The following WDFY3 variants were observed in gnomAD, a reference collection of about 807,000 sequenced individuals.
The protein encoded by WDFY3 is WD repeat and FYVE domain containing 3.
Under a neutral mutation model 409.6 loss-of-function variants are expected in WDFY3, and 66 were observed. The ratio of observed to expected loss-of-function variants is 0.16; its 90% CI spans 0.13 to 0.20. WDFY3 has a LOEUF of 0.20. Among genes scored for constraint, WDFY3 ranks in the 10% least tolerant of loss-of-function variants. WDFY3 has a pLI of 1.00. For synonymous variants in WDFY3, 1,521 were observed against 1,537.1 expected, an observed-to-expected ratio of 0.99 and a Z score of 0.25; for missense variants, 3,031 against 4,298.1, an observed-to-expected ratio of 0.71 and a Z score of 8.24.
At chr4:84,684,478 A>G (rs576425616) in intron 62 of WDFY3, among the ~76,000 whole-genome samples, 36 of 152,280 alleles carry the variant, frequency 2.4e-4, no homozygotes, top group African/African-American at 8.7e-4. Context: ...CCCATTGTTA[A>G]CAAAATCTAT....
chr4:84,843,333 A>G (rs1043167956), intron 5 of WDFY3, among the ~76,000 whole-genome samples: 1 of 152,254 alleles, frequency 6.6e-6, no homozygotes, highest in African/African-American at 2.4e-5. Context: ...CTGTAAAAAA[A>G]TAACTTTTAT....
chr4:84,839,559 TA>T lies in WDFY3; in HGVS notation c.414+1594del, dbSNP rs752155113. Among the ~76,000 whole-genome samples the T allele has an allele frequency of 6.7e-3, 953 of 141,580 alleles. 1 individual carries two copies. The highest frequency in any genetic ancestry group is 6.3e-3 in the Admixed American group (89 of 14,136). 92.9% of individuals were successfully genotyped at this position (141,580 alleles called of 152,430 possible). A position where few individuals can be genotyped will look rare whatever the true frequency, so the allele number is the denominator to read the frequency against. ...GGTTGGTTACACTAATTCCCTGAGT[TA>T]AAAAAAAAAAAAGAGGGCCAGGCAC... On this transcript the variant is annotated intron_variant, in intron 6 of 67. Coordinates refer to ENST00000295888, the MANE Select transcript of WDFY3 (RefSeq NM_014991.6).
chr4:84,702,598 T>G lies in WDFY3; in HGVS notation c.8443-92A>C. On this transcript the variant is annotated intron_variant, in intron 55 of 67. Transcript: ENST00000295888. ...AAGAGCTTGAAAACTCCAACTATAG[T>G]TGGTGACATTTCAATTTCCCATTAT... The G allele has an allele frequency of 2.6e-6, 3 of 1,140,512 alleles. No homozygotes were observed. In the Admixed American group the frequency reaches 1.1e-4, roughly 40 times the overall value. 70.6% of individuals were successfully genotyped at this position (1,140,512 alleles called of 1,614,324 possible).
At chr4:84,767,986 T>C (rs1476852682) in intron 30 of WDFY3, among the ~76,000 whole-genome samples, 1 of 152,106 alleles carries the variant, frequency 6.6e-6, no homozygotes, top group Non-Finnish European at 1.5e-5. Context: ...AGAAGGCTGA[T>C]GTATGAGGAT....
intron 3 of WDFY3, among the ~76,000 whole-genome samples, chr4:84,873,062 G>C (rs1762334010): frequency 6.6e-6 from 1 of 152,146 alleles, no homozygotes; most frequent in Non-Finnish European, 1.5e-5. Context: ...AAGGGAGAAA[G>C]AGACAAATTG....
At chr4:84,864,299 G>A (rs1041761219) in intron 3 of WDFY3, among the ~76,000 whole-genome samples, 6 of 150,664 alleles carry the variant, frequency 4.0e-5, no homozygotes, top group Non-Finnish European at 8.9e-5. Context: ...CCTGCGAAGC[G>A]GAGTTGCAGT....
intron 6 of WDFY3, 107 bp from the exon 7 acceptor site, chr4:84,837,197 T>C (rs1756694772): frequency 2.1e-6 from 2 of 935,024 alleles, no homozygotes; most frequent in Non-Finnish European, 2.9e-6. Flanking sequence ...AGGTAACTTT[T>C]TAAAATGCAT....
rs1374797989 is a variant in WDFY3 at position 84,740,544 on chromosome 4, T to TA, written c.6235-129dup. On this transcript the variant is annotated intron_variant, in intron 38 of 67. Transcript: ENST00000295888. ...CATGCTAAGTATGCAGGTGCTAAGT[T>TA]AAAAGATACAAAGCTCTTACTATTA... 4 of 811,548 alleles carry TA rather than the reference T, an allele frequency of 4.9e-6. No individual in the cohort carries two copies. In the African/African-American group the frequency reaches 6.9e-5, roughly 14 times the overall value. 50.3% of individuals were successfully genotyped at this position (811,548 alleles called of 1,614,324 possible).
chr4:84,838,555 C>A (rs1403054778), intron 6 of WDFY3, among the ~76,000 whole-genome samples: 1 of 152,092 alleles, frequency 6.6e-6, no homozygotes, highest in Non-Finnish European at 1.5e-5. Flanking sequence ...GGGAAACTAA[C>A]CCCCCAAACC....
At position 84,774,771 on chromosome 4, in the gene WDFY3, T is replaced by C. The variant is rs375375141; in HGVS notation, c.4754+49A>G. 2.3e-5 allele frequency: 35 copies of C among 1,549,450 alleles called. 1 individual carries two copies. The African/African-American group carries it at 2.5e-4, about 11-fold the overall frequency. ...ATTCATCTCATCCATCTTAACCTCA[T>C]TGGTACTTTTAGTTAATAAAAAGAC... On this transcript the variant is annotated intron_variant, in intron 29 of 67. Transcript: ENST00000295888.
At chr4:84,829,240 T>C (rs1351026798) in intron 8 of WDFY3, 50 bp from the exon 9 acceptor site, 1 of 1,427,778 alleles carries the variant, frequency 7.0e-7, no homozygotes. Context: ...GACAATCGCT[T>C]AAAAATTTTT....
At chr4:84,773,351 C>G (rs367664797) in intron 29 of WDFY3, among the ~76,000 whole-genome samples, 6 of 152,184 alleles carry the variant, frequency 3.9e-5, no homozygotes, top group African/African-American at 1.4e-4. Flanking sequence ...CACTAACATG[C>G]AAATGGTTTC....
intron 2 of WDFY3, among the ~76,000 whole-genome samples, chr4:84,907,126 T>C (rs1175391865): frequency 3.9e-5 from 6 of 152,164 alleles, no homozygotes; most frequent in Non-Finnish European, 5.9e-5. Flanking sequence ...AATAACCTAT[T>C]TTGGTCAGGT....
chr4:84,763,895 C>T (rs1400599996), intron 32 of WDFY3, among the ~76,000 whole-genome samples: 9 of 152,256 alleles, frequency 5.9e-5, no homozygotes, highest in East Asian at 3.9e-4. Context: ...ACTAAAGTGA[C>T]GCAGGACAGA....
intron 58 of WDFY3, among the ~76,000 whole-genome samples, chr4:84,695,606 T>C (rs1272123312): frequency 6.6e-6 from 1 of 151,734 alleles, no homozygotes; most frequent in Non-Finnish European, 1.5e-5. Flanking sequence ...TTCTAAAGTT[T>C]AAATATGACC....
intron 16 of WDFY3, among the ~76,000 whole-genome samples, chr4:84,802,184 G>A (rs1750704390): frequency 6.6e-6 from 1 of 151,902 alleles, no homozygotes; most frequent in Non-Finnish European, 1.5e-5. Context: ...CTGACCTCAG[G>A]TGATCCACCT....
intron 1 of WDFY3, among the ~76,000 whole-genome samples, chr4:84,958,600 T>G (rs116649334): frequency 0.013 from 2,036 of 152,214 alleles, 33 homozygotes; most frequent in African/African-American, 0.046. Context: ...GCAGGAGAGC[T>G]TGGCATACTT....
chr4:84,861,786 A>C (rs1306323729), intron 3 of WDFY3, among the ~76,000 whole-genome samples: 1 of 152,258 alleles, frequency 6.6e-6, no homozygotes, highest in African/African-American at 2.4e-5. Context: ...AAGTATACAC[A>C]GAATCAGTAA....
intron 6 of WDFY3, among the ~76,000 whole-genome samples, chr4:84,840,669 C>T (rs1757209786): frequency 6.6e-6 from 1 of 152,108 alleles, no homozygotes; most frequent in Admixed American, 6.6e-5. Flanking sequence ...CCTCAACCTC[C>T]CAGGCTCAAG....
Sources: allele counts gnomAD v4.1 joint callset (sites outside exome capture counted in the v4.1 genomes callset), GRCh38; gene constraint gnomAD v4.1.1; transcripts MANE v1.5; gene names NCBI Gene and HGNC (gene_info 2026-07-23, HGNC 2026-07-21).